Variants in RNF13 observed in about 807,000 individuals in gnomAD.
RNF13 encodes E3 ubiquitin-protein ligase RNF13.
In RNF13, 19 loss-of-function variants were observed where a neutral mutation model predicts 37.7. That is an observed-to-expected ratio of 0.50 (90% confidence interval 0.35 to 0.74). The LOEUF (loss-of-function observed/expected upper bound fraction) is 0.74, where lower values mean the gene tolerates loss of function less well. Ranked by LOEUF, RNF13 falls within the 30% of genes least tolerant of loss-of-function variation. The pLI is 0.01. For missense variants in RNF13, 375 were observed against 453.0 expected (o/e 0.83, Z 1.56); for synonymous variants, 144 against 157.8 (o/e 0.91, Z 0.65).
At chr3:149,869,432 C>T (rs890136102) in intron 3 of RNF13, among the ~76,000 whole-genome samples, 3 of 151,404 alleles carry the variant, frequency 2.0e-5, no homozygotes, top group East Asian at 1.9e-4. Flanking sequence ...GGTGAAACCC[C>T]GTCTCTACTA....
At chr3:149,941,018 G>A (rs1285318618) in intron 8 of RNF13, among the ~76,000 whole-genome samples, 2 of 152,138 alleles carry the variant, frequency 1.3e-5, no homozygotes, top group African/African-American at 4.8e-5. Context: ...TGTGGCATGT[G>A]ACAGAATATT....
intron 4 of RNF13, among the ~76,000 whole-genome samples, chr3:149,891,027 A>C (rs906120061): frequency 6.6e-6 from 1 of 152,142 alleles, no homozygotes; most frequent in South Asian, 2.1e-4. Context: ...ATGCTTTCTC[A>C]GTTCAATTCC....
At chr3:149,846,396 G>A (rs1023578723) in intron 2 of RNF13, among the ~76,000 whole-genome samples, 9 of 151,986 alleles carry the variant, frequency 5.9e-5, no homozygotes, top group South Asian at 4.1e-4. Context: ...TCCACCTCCC[G>A]GGTTCAAGCA....
At chr3:149,926,399 A>G (rs1443423558) in intron 8 of RNF13, among the ~76,000 whole-genome samples, 5 of 151,938 alleles carry the variant, frequency 3.3e-5, no homozygotes, top group Non-Finnish European at 7.4e-5. Context: ...TTTAGTAGAG[A>G]TGGGGTTTCA....
intron 1 of RNF13, among the ~76,000 whole-genome samples, chr3:149,838,645 A>G (rs1721887091): frequency 6.6e-6 from 1 of 152,232 alleles, no homozygotes; most frequent in Non-Finnish European, 1.5e-5. Context: ...TTCACAAAGC[A>G]GCAAGGCCCT....
At chr3:149,890,022 G>C (rs1714529702) in intron 4 of RNF13, among the ~76,000 whole-genome samples, 1 of 152,050 alleles carries the variant, frequency 6.6e-6, no homozygotes, top group Non-Finnish European at 1.5e-5. Context: ...TACCTACCTA[G>C]GAAAACTTGC....
chr3:149,905,348 A>G (rs1369575072), intron 6 of RNF13, among the ~76,000 whole-genome samples: 1 of 151,888 alleles, frequency 6.6e-6, no homozygotes, highest in Non-Finnish European at 1.5e-5. Context: ...ACATTTAAGC[A>G]TTTTTTTCTT....
In RNF13 at chr3:149,826,259, G is replaced by C. The variant is rs188264858; in HGVS notation, c.-17+12906G>C. On this transcript the variant is annotated intron_variant, in intron 1 of 9. Coordinates refer to ENST00000392894, the MANE Select transcript of RNF13 (RefSeq NM_183381.3). ...TGATTATAATGTGTTGCTAATGAAT[G>C]CAGATGCCTCAGAGCCCAAGTGGCT... Among the ~76,000 whole-genome samples the C allele has an allele frequency of 9.2e-5, 14 of 152,344 alleles. No homozygotes were observed. The East Asian group carries it at 2.5e-3, about 27-fold the overall frequency.
chr3:149,884,805 T>C (rs1046496871), intron 4 of RNF13, among the ~76,000 whole-genome samples: 4 of 152,104 alleles, frequency 2.6e-5, no homozygotes, highest in Non-Finnish European at 5.9e-5. Context: ...AATTATTAAC[T>C]ATAGTAACCC....
At chr3:149,905,948 A>C (rs1002028607) in intron 6 of RNF13, among the ~76,000 whole-genome samples, 8 of 152,178 alleles carry the variant, frequency 5.3e-5, no homozygotes, top group African/African-American at 1.7e-4. Context: ...TCAATATTCC[A>C]AGTAGAAACC....
chr3:149,861,108 A>C (rs554073495), intron 3 of RNF13, among the ~76,000 whole-genome samples: 1 of 152,202 alleles, frequency 6.6e-6, no homozygotes, highest in African/African-American at 2.4e-5. Context: ...GACAAAAAAA[A>C]AGACAGATTT....
intron 2 of RNF13, 149 bp from the exon 3 acceptor site, chr3:149,852,367 T>G (rs1723194821): frequency 2.4e-6 from 1 of 413,518 alleles, no homozygotes; most frequent in African/African-American, 2.1e-5. Flanking sequence ...TTTTAGTGGA[T>G]GTACATTTAC....
At chr3:149,853,455 G>GGA (rs397842025) in intron 3 of RNF13, among the ~76,000 whole-genome samples, 6,788 of 117,138 alleles carry the variant, frequency 0.058, 252 homozygotes, top group East Asian at 0.095. Flanking sequence ...AGAGAGAGAG[G>GGA]GAGAGAGAGA....
At chr3:149,936,540 A>ATT (rs1308149030) in intron 8 of RNF13, among the ~76,000 whole-genome samples, 1 of 151,870 alleles carries the variant, frequency 6.6e-6, no homozygotes. Context: ...CAGCCAATGT[A>ATT]TTTCACAGTT....
At chr3:149,865,329 G>GAGAT (rs1553757164) in intron 3 of RNF13, among the ~76,000 whole-genome samples, 1 of 139,126 alleles carries the variant, frequency 7.2e-6, no homozygotes, top group Non-Finnish European at 1.6e-5. Context: ...ATGTTTTGGT[G>GAGAT]ATATATATAT....
chr3:149,848,101 A>G (rs1039497500), intron 2 of RNF13, among the ~76,000 whole-genome samples: 5 of 152,212 alleles, frequency 3.3e-5, no homozygotes, highest in Admixed American at 1.3e-4. Context: ...TATTTTATAT[A>G]TGGTTTTAAT....
Position 149,921,242 on chromosome 3 carries a change from T to C in RNF13, c.700+15T>C. The C allele has an allele frequency of 8.3e-7, 1 of 1,211,482 alleles. No homozygotes were observed. Among genetic ancestry groups the C allele is most frequent in the Non-Finnish European group, 1.1e-6 (1 of 895,788 alleles). 75.0% of individuals were successfully genotyped at this position (1,211,482 alleles called of 1,614,324 possible). ...ATTCAAGAAAGGTAAGTATTTGTTT[T>C]CTAAATAATTATCCTTAGTTTATTT... On this transcript the variant is annotated intron_variant, in intron 8 of 9. Coordinates refer to ENST00000392894, the MANE Select transcript of RNF13 (RefSeq NM_183381.3).
chr3:149,941,889 ATATTTATTTATT>A (rs58521010), intron 8 of RNF13, among the ~76,000 whole-genome samples: 6 of 144,292 alleles, frequency 4.2e-5, no homozygotes, highest in Non-Finnish European at 9.1e-5. Flanking sequence ...GTCCAGCTTA[ATATTTATTTATT>A]TATTTATTTA....
rs551158274 is a variant in RNF13, at chr3:149,935,743, A to G, written c.700+14516A>G. On this transcript the variant is annotated intron_variant, in intron 8 of 9. Coordinates refer to ENST00000392894, the MANE Select transcript of RNF13 (RefSeq NM_183381.3). ...TTTTATATTGCCTGACTTTTAACAGATTGTTGTAGTTTTTACTTTGGTAGA... is the reference window on the plus strand; with the variant it reads ...TTTTATATTGCCTGACTTTTAACAGGTTGTTGTAGTTTTTACTTTGGTAGA... 8.5e-5 allele frequency among the ~76,000 whole-genome samples: 13 copies of G among 152,226 alleles called. No individual in the cohort carries two copies. In the South Asian group the frequency reaches 1.9e-3, roughly 22 times the overall value.
Sources: allele counts gnomAD v4.1 joint callset (sites outside exome capture counted in the v4.1 genomes callset), GRCh38; gene constraint gnomAD v4.1.1; transcripts MANE v1.5; gene names NCBI Gene and HGNC (gene_info 2026-07-23, HGNC 2026-07-21).